The following GABBR1 variants were observed in gnomAD, a reference collection of about 807,000 sequenced individuals.
GABBR1 encodes the protein GABA-B receptor, R1 subunit.
GABBR1 carries 35 observed loss-of-function variants against 117.7 expected under a neutral mutation model. The ratio of observed to expected loss-of-function variants is 0.30; its 90% confidence interval spans 0.23 to 0.39. The LOEUF (loss-of-function observed/expected upper bound fraction) is 0.39, where lower values mean the gene tolerates loss of function less well. Ranked by LOEUF, GABBR1 falls within the 10% of genes least tolerant of loss-of-function variation. The pLI, the probability that GABBR1 is intolerant of heterozygous loss-of-function variation, is 1.00. For synonymous variants in GABBR1, 442 were observed against 486.6 expected (o/e 0.91, Z 1.21); for missense variants, 709 against 1,241.8 (o/e 0.57, Z 6.45).
Position 29,630,806 on chromosome 6 carries a change from C to T in GABBR1, c.290-163G>A, listed in dbSNP as rs1764884572. ...TACCTATCTTCCAATCCTCCCTTAC[C>T]TGTGCAAGCATCCACACATTCCCAA... On this transcript the variant is annotated intron_variant, in intron 3 of 22. Transcript: ENST00000377034. The surrounding 1 kb of genome is among the most constrained non-coding windows in gnomAD (Gnocchi z 4.9). Among the ~76,000 whole-genome samples the T allele has an allele frequency of 1.3e-5, 2 of 152,066 alleles. No homozygotes were observed. Among genetic ancestry groups the T allele is most frequent in the African/African-American group, 4.8e-5 (2 of 41,386 alleles).
rs777405314 is a variant in GABBR1 at position 29,631,618 on chromosome 6, A to G, written c.86-19T>C. On this transcript the variant is annotated intron_variant, in intron 2 of 22. Coordinates refer to ENST00000377034, the MANE Select transcript of GABBR1 (RefSeq NM_001470.4). This position sits in a 1 kb window ranked among gnomAD's most constrained non-coding sequence, Gnocchi z 5.9. ...TGGCAACCTAAGGGGTGAGTCGGGG[A>G]GGCATACAGAGAGGAATGGTGGGAA... 8.7e-6 allele frequency: 14 copies of G among 1,609,006 alleles called. No individual in the cohort carries two copies. The South Asian group carries it at 1.1e-4, about 13-fold the overall frequency.
intron 11 of GABBR1, among the ~76,000 whole-genome samples, chr6:29,615,954 C>A (rs907051898): frequency 1.1e-4 from 17 of 152,164 alleles, no homozygotes; most frequent in Non-Finnish European, 2.1e-4. Context: ...GTAATCCCAG[C>A]ACTTTGGGAG....
In GABBR1 at chr6:29,604,763, G is replaced by A. The variant is rs977783187; in HGVS notation, c.2568+97C>T. On this transcript the variant is annotated intron_variant, in intron 21 of 22. Transcript: ENST00000377034. The surrounding 1 kb of genome is among the most constrained non-coding windows in gnomAD (Gnocchi z 5.3). ...CCCAAAACAAGGGGAGGAGTGAGAG[G>A]AGGGTGAACGGAAGGGCAGAGGAAC... 4 of 1,583,020 alleles carry A rather than the reference G, an allele frequency of 2.5e-6. No individual in the cohort carries two copies. Among genetic ancestry groups the A allele is most frequent in the South Asian group, 2.3e-5 (2 of 87,134 alleles).
intron 5 of GABBR1, chr6:29,628,061 GA>G (rs1181530726): frequency 2.8e-6 from 3 of 1,073,690 alleles, no homozygotes; most frequent in Admixed American, 5.3e-5. Flanking sequence ...GTGGGGCTGG[GA>G]GGGGGCTCTG....
chr6:29,616,012 A>G (rs928602278), intron 11 of GABBR1, among the ~76,000 whole-genome samples: 1 of 151,922 alleles, frequency 6.6e-6, no homozygotes, highest in Non-Finnish European at 1.5e-5. Context: ...GACCAGCCTG[A>G]GCAACATGGA....
chr6:29,627,690 A>T lies in GABBR1; in HGVS notation c.497-44T>A. Reference sequence around the variant, plus strand: ...GGACCCGCGAGTGAGGCCGCGGGAGATGGGGGGAGTGGGAGGCCCACACCG... The same window carrying T: ...GGACCCGCGAGTGAGGCCGCGGGAGTTGGGGGGAGTGGGAGGCCCACACCG... On this transcript the variant is annotated intron_variant, in intron 5 of 22. Coordinates refer to ENST00000377034, the MANE Select transcript of GABBR1 (RefSeq NM_001470.4). The surrounding 1 kb of genome is among the most constrained non-coding windows in gnomAD (Gnocchi z 4.4). The T allele has an allele frequency of 3.9e-6, 6 of 1,532,030 alleles. No homozygotes were observed. The highest frequency in any genetic ancestry group is 2.4e-5 in the South Asian group (2 of 83,688). 94.9% of individuals were successfully genotyped at this position (1,532,030 alleles called of 1,614,324 possible).
rs921804863 is a variant in GABBR1, at chr6:29,632,352, G to A, written c.34C>T (p.Leu12Phe). 1 of 1,360,838 alleles carries A rather than the reference G, an allele frequency of 7.3e-7. No homozygotes were observed. The allele number at this position is 1,360,838 out of a possible 1,614,324, so 84.3% of individuals were successfully genotyped here. A position where few individuals can be genotyped will look rare whatever the true frequency, so the allele number is the denominator to read the frequency against. Reference protein sequence around the residue: ...LLLLLLAPLFLRPPGAGGAQT... With the variant: ...LLLLLLAPLFFRPPGAGGAQT... Reference sequence around the variant, plus strand: ...GCCCCGCCCGCGCCCGGGGGGCGGAGGAAGAGTGGCGCCAGTAGCAGCAGC... The same window carrying A: ...GCCCCGCCCGCGCCCGGGGGGCGGAAGAAGAGTGGCGCCAGTAGCAGCAGC... Residue 12 changes from leucine (L) to phenylalanine (F), a missense_variant, in exon 2 of 23, where the codon CTC (leucine) becomes TTC (phenylalanine). By Grantham distance (22) the Leu-to-Phe change is conservative. Around this residue, in one of 9 missense-constraint regions of GABBR1, gnomAD observed 43 missense variants for 42.8 expected, o/e 1.00. Coordinates refer to ENST00000377034, the MANE Select transcript of GABBR1 (RefSeq NM_001470.4). The surrounding 1 kb of genome is among the most constrained non-coding windows in gnomAD (Gnocchi z 5.8).
rs1401384107 is a variant in GABBR1 at position 29,620,328 on chromosome 6, C to T, written c.1323+773G>A. On this transcript the variant is annotated intron_variant, in intron 11 of 22. Transcript: ENST00000377034. The surrounding 1 kb of genome is among the most constrained non-coding windows in gnomAD (Gnocchi z 4.5). ...TTTTGGGGCTTTACAACCATTAACTCACCCCTAACATGCTCTCCAAAGCAG... is the reference window on the plus strand; with the variant it reads ...TTTTGGGGCTTTACAACCATTAACTTACCCCTAACATGCTCTCCAAAGCAG... Among the ~76,000 whole-genome samples the T allele has an allele frequency of 6.6e-6, 1 of 152,224 alleles. No individual in the cohort carries two copies. Among genetic ancestry groups the T allele is most frequent in the Non-Finnish European group, 1.5e-5 (1 of 68,042 alleles).
Position 29,605,882 on chromosome 6 carries a change from G to T in GABBR1, c.2312-186C>A. 1.6e-6 allele frequency: 1 copy of T among 634,258 alleles called. No individual in the cohort carries two copies. The highest frequency in any genetic ancestry group is 2.7e-6 in the Non-Finnish European group (1 of 369,932). 39.3% of individuals were successfully genotyped at this position (634,258 alleles called of 1,614,324 possible). On this transcript the variant is annotated intron_variant, in intron 19 of 22. Coordinates refer to ENST00000377034, the MANE Select transcript of GABBR1 (RefSeq NM_001470.4). This position sits in a 1 kb window ranked among gnomAD's most constrained non-coding sequence, Gnocchi z 4.2. ...CCCTTATGTCCACCCAACTTGCCCA[G>T]ACCACATCACTTTTTCCTGGGATTC... is the stretch of plus-strand genomic sequence containing the variant.
At position 29,623,392 on chromosome 6, in the gene GABBR1, G is replaced by A. The variant is rs1763957545; in HGVS notation, c.876C>T (p.Leu292=). Residue 292 remains leucine, a synonymous_variant, in exon 8 of 23, where the codon CTC becomes CTT. Transcript: ENST00000377034. The surrounding 1 kb of genome is among the most constrained non-coding windows in gnomAD (Gnocchi z 6.2). ...AGAGTTTCACGCGGGTAGGGTTGTGGAGTGTGGCTGATGGGTGCGTTCGGA... is the reference window on the plus strand; with the variant it reads ...AGAGTTTCACGCGGGTAGGGTTGTGAAGTGTGGCTGATGGGTGCGTTCGGA... ...TFFRTHPSAT[L]HNPTRVKLFE... 1 of 1,614,152 alleles carries A rather than the reference G, an allele frequency of 6.2e-7. No homozygotes were observed. Among genetic ancestry groups the A allele is most frequent in the African/African-American group, 1.3e-5 (1 of 75,034 alleles).
At chr6:29,616,022 A>G (rs1165127291) in intron 11 of GABBR1, among the ~76,000 whole-genome samples, 2 of 151,934 alleles carry the variant, frequency 1.3e-5, no homozygotes, top group Non-Finnish European at 2.9e-5. Flanking sequence ...AGCAACATGG[A>G]GAAACCCTGT....
rs543162364 is a variant in GABBR1 at position 29,632,477 on chromosome 6, G to C, written c.1-92C>G. Reference sequence around the variant, plus strand: ...TCGACCTCTTGCCGGTTGCCTCGCAGGCTCCGACCGGGCTCAGCCTGGGGA... The same window carrying C: ...TCGACCTCTTGCCGGTTGCCTCGCACGCTCCGACCGGGCTCAGCCTGGGGA... On this transcript the variant is annotated intron_variant, in intron 1 of 22. Transcript: ENST00000377034. The surrounding 1 kb of genome is among the most constrained non-coding windows in gnomAD (Gnocchi z 5.8). 8.4e-4 allele frequency: 949 copies of C among 1,123,774 alleles called. 4 individuals carry two copies. The African/African-American group carries it at 0.015, about 17-fold the overall frequency. The allele number at this position is 1,123,774 out of a possible 1,614,324, so 69.6% of individuals were successfully genotyped here.
Position 29,604,778 on chromosome 6 carries a change from G to A in GABBR1, c.2568+82C>T, listed in dbSNP as rs1241986828. On this transcript the variant is annotated intron_variant, in intron 21 of 22. Coordinates refer to ENST00000377034, the MANE Select transcript of GABBR1 (RefSeq NM_001470.4). This position sits in a 1 kb window ranked among gnomAD's most constrained non-coding sequence, Gnocchi z 5.3. ...GGAGTGAGAGGAGGGTGAACGGAAGGGCAGAGGAACTCAGTAATATAGGAA... is the reference window on the plus strand; with the variant it reads ...GGAGTGAGAGGAGGGTGAACGGAAGAGCAGAGGAACTCAGTAATATAGGAA... 2 of 1,583,432 alleles carry A rather than the reference G, an allele frequency of 1.3e-6. No individual in the cohort carries two copies. Among genetic ancestry groups the A allele is most frequent in the African/African-American group, 2.7e-5 (2 of 74,378 alleles).
chr6:29,632,584 C>T lies in GABBR1; in HGVS notation c.1-199G>A, dbSNP rs150971595. 1.6e-3 allele frequency: 1,665 copies of T among 1,046,566 alleles called. 56 individuals carry two copies. In the East Asian group the frequency reaches 0.049, roughly 31 times the overall value. 64.8% of individuals were successfully genotyped at this position (1,046,566 alleles called of 1,614,324 possible). On this transcript the variant is annotated intron_variant, in intron 1 of 22. Transcript: ENST00000377034. This position sits in a 1 kb window ranked among gnomAD's most constrained non-coding sequence, Gnocchi z 5.8. ...GAGGAGGAGAGAAAGCCTGTCCCCA[C>T]CCTCCTCCTGCCTCCCTCGGCCCCC...
At chr6:29,628,025 GGGA>G (rs1291559494) in intron 5 of GABBR1, 19 of 1,273,328 alleles carry the variant, frequency 1.5e-5, no homozygotes, top group South Asian at 1.1e-4. Context: ...ACCGACGGAG[GGGA>G]GGAGGAGGAG....
Position 29,622,259 on chromosome 6 carries a change from A to G in GABBR1, c.964-54T>C, listed in dbSNP as rs1763833485. 3.4e-6 allele frequency: 4 copies of G among 1,181,394 alleles called. No individual in the cohort carries two copies. The highest frequency in any genetic ancestry group is 1.8e-5 in the Admixed American group (1 of 56,952). 73.2% of individuals were successfully genotyped at this position (1,181,394 alleles called of 1,614,324 possible). On this transcript the variant is annotated intron_variant, in intron 8 of 22. Transcript: ENST00000377034. The surrounding 1 kb of genome is among the most constrained non-coding windows in gnomAD (Gnocchi z 4.6). ...AAAACACGGGGTGCATGAGGGAATA[A>G]AGACCAGAGAGGTTAACTGGGGATT...
rs1287457037 is a variant in GABBR1 at position 29,604,645 on chromosome 6, C to T, written c.2569-8G>A. On this transcript the variant is annotated splice_polypyrimidine_tract_variant and splice_region_variant and intron_variant, in intron 21 of 22. Coordinates refer to ENST00000377034, the MANE Select transcript of GABBR1 (RefSeq NM_001470.4). The surrounding 1 kb of genome is among the most constrained non-coding windows in gnomAD (Gnocchi z 5.3). ...GGTGATCAGCCTGCGCATCTGGGGG[C>T]AAATGTTTGGGCGTGGGGTGGCCCA... 6.2e-7 allele frequency: 1 copy of T among 1,613,174 alleles called. No homozygotes were observed. Among genetic ancestry groups the T allele is most frequent in the Admixed American group, 1.7e-5 (1 of 60,016 alleles).
In GABBR1 at chr6:29,627,841, G is replaced by C. The variant is rs1764481099; in HGVS notation, c.497-195C>G. 1.4e-6 allele frequency: 2 copies of C among 1,399,368 alleles called. 1 individual carries two copies. The highest frequency in any genetic ancestry group is 1.8e-6 in the Non-Finnish European group (2 of 1,081,322). 86.7% of individuals were successfully genotyped at this position (1,399,368 alleles called of 1,614,324 possible). ...TGGGGAGCGTTAGGAGCTCAGGGGG[G>C]ACACTTTTCCTGGGGAGGGCTGCTA... On this transcript the variant is annotated intron_variant, in intron 5 of 22. Coordinates refer to ENST00000377034, the MANE Select transcript of GABBR1 (RefSeq NM_001470.4). The surrounding 1 kb of genome is among the most constrained non-coding windows in gnomAD (Gnocchi z 4.4).
chr6:29,608,571 C>A, intron 16 of GABBR1, 30 bp downstream of exon 16: 2 of 1,608,228 alleles, frequency 1.2e-6, no homozygotes, highest in South Asian at 1.1e-5. Flanking sequence ...GAGTCACATC[C>A]TGTAAGGAAT....
Sources: allele counts gnomAD v4.1 joint callset (sites outside exome capture counted in the v4.1 genomes callset), GRCh38; gene constraint gnomAD v4.1.1; regional missense constraint gnomAD v4.1.1; non-coding constraint Gnocchi (gnomAD v3.1); transcripts MANE v1.5; gene names NCBI Gene and HGNC (gene_info 2026-07-23, HGNC 2026-07-21).